PXDNL: variants seen among roughly 807,000 people sequenced by gnomAD.
PXDNL encodes the protein probable oxidoreductase PXDNL.
PXDNL carries 145 observed loss-of-function variants against 150.8 expected under a neutral mutation model. The ratio of observed to expected loss-of-function variants is 0.96; its 90% confidence interval spans 0.84 to 1.10. The LOEUF (loss-of-function observed/expected upper bound fraction) is 1.10, where lower values mean the gene tolerates loss of function less well. Among genes scored for constraint, PXDNL ranks in the 50% least tolerant of loss-of-function variants. PXDNL has a pLI of 0.00. For synonymous variants in PXDNL, 757 were observed against 725.7 expected, an observed-to-expected ratio of 1.04 and a Z score of -0.69; for missense variants, 2,087 against 1,873.9, an observed-to-expected ratio of 1.11 and a Z score of -2.10.
intron 5 of PXDNL, among the ~76,000 whole-genome samples, chr8:51,497,873 T>C (rs1811090148): frequency 6.6e-6 from 1 of 152,304 alleles, no homozygotes; most frequent in South Asian, 2.1e-4. Flanking sequence ...GTCAGTGTGG[T>C]GATTCCTCAG....
At chr8:51,740,493 G>A (rs372760655) in intron 1 of PXDNL, among the ~76,000 whole-genome samples, 346 of 152,294 alleles carry the variant, frequency 2.3e-3, no homozygotes, top group African/African-American at 8.0e-3. Flanking sequence ...ACTAGCATCT[G>A]TTGCTTCTTG....
At chr8:51,771,242 AAAAC>A (rs1311732374) in intron 1 of PXDNL, among the ~76,000 whole-genome samples, 3 of 152,250 alleles carry the variant, frequency 2.0e-5, no homozygotes, top group African/African-American at 7.2e-5. Flanking sequence ...GGAACGTTTC[AAAAC>A]AAACAAAGCC....
At chr8:51,706,801 C>T (rs537944215) in intron 1 of PXDNL, among the ~76,000 whole-genome samples, 5 of 152,312 alleles carry the variant, frequency 3.3e-5, no homozygotes, top group African/African-American at 9.6e-5. Context: ...GTTTCTTACG[C>T]TCCTCTTTGC....
intron 19 of PXDNL, among the ~76,000 whole-genome samples, chr8:51,358,605 A>G (rs914314575): frequency 7.9e-5 from 12 of 152,122 alleles, no homozygotes; most frequent in Admixed American, 3.3e-4. Context: ...CATGTACCTC[A>G]ACCAAAGACA....
intron 1 of PXDNL, among the ~76,000 whole-genome samples, chr8:51,703,498 T>C (rs935061955): frequency 1.3e-5 from 2 of 152,126 alleles, no homozygotes; most frequent in Admixed American, 1.3e-4. Flanking sequence ...TTTGTTTTTG[T>C]TTTTGTTTCT....
chr8:51,450,130 G>A (rs1425232274), intron 10 of PXDNL, among the ~76,000 whole-genome samples: 1 of 152,168 alleles, frequency 6.6e-6, no homozygotes, highest in East Asian at 1.9e-4. Context: ...TCCTGACATT[G>A]CCATGGCATT....
chr8:51,657,307 A>C (rs1481831991), intron 1 of PXDNL, among the ~76,000 whole-genome samples: 1 of 152,258 alleles, frequency 6.6e-6, no homozygotes, highest in African/African-American at 2.4e-5. Context: ...AATAAACCTA[A>C]TATATAGGCA....
At position 51,408,345 on chromosome 8, in the gene PXDNL, C is replaced by T; in HGVS notation, c.3279G>A (p.Lys1093=). Residue 1093 remains lysine (K), a synonymous_variant, in exon 17 of 23, where the codon AAG becomes AAA. Transcript: ENST00000356297. The part of the protein sequence containing the change: ...KALFSPSRII[K]EGGIDPVLRG... ...GGAGAACCGGGTCTATCCCACCTTC[C>T]TTGATTATTCTGGACGGTGAAAAGA... The T allele has an allele frequency of 6.2e-7, 1 of 1,614,016 alleles. No homozygotes were observed. The highest frequency in any genetic ancestry group is 8.5e-7 in the Non-Finnish European group (1 of 1,179,902).
At chr8:51,734,355 A>T (rs1330091673) in intron 1 of PXDNL, among the ~76,000 whole-genome samples, 4 of 152,184 alleles carry the variant, frequency 2.6e-5, no homozygotes, top group Non-Finnish European at 5.9e-5. Context: ...AACACCCTAA[A>T]TTCCTTTTGG....
At position 51,657,202 on chromosome 8, in the gene PXDNL, T is replaced by G. The variant is rs528705761; in HGVS notation, c.165-2442A>C. On this transcript the variant is annotated intron_variant, in intron 1 of 22. Coordinates refer to ENST00000356297, the MANE Select transcript of PXDNL (RefSeq NM_144651.5). ...CTATCTCATGCAATTTACTCACTAA[T>G]GTACATTACATCAAAATTGTAACCA... is the stretch of plus-strand genomic sequence containing the variant. Among the ~76,000 whole-genome samples, 763 of 152,326 alleles carry G rather than the reference T, an allele frequency of 5.0e-3. 6 individuals are homozygous for G. Among genetic ancestry groups the G allele is most frequent in the Middle Eastern group, 0.02 (6 of 294 alleles).
At chr8:51,402,513 C>T (rs1215095122) in intron 17 of PXDNL, among the ~76,000 whole-genome samples, 1 of 151,916 alleles carries the variant, frequency 6.6e-6, no homozygotes, top group Non-Finnish European at 1.5e-5. Context: ...AGAAAGACTC[C>T]GTCTCAAAAT....
At chr8:51,698,581 G>A (rs1816191298) in intron 1 of PXDNL, among the ~76,000 whole-genome samples, 1 of 152,286 alleles carries the variant, frequency 6.6e-6, no homozygotes, top group Non-Finnish European at 1.5e-5. Flanking sequence ...ATCCATGAAA[G>A]TTGGAATCGA....
At position 51,453,684 on chromosome 8, in the gene PXDNL, T is replaced by C; in HGVS notation, c.1084A>G (p.Thr362Ala). Residue 362 changes from threonine (T) to alanine (A), a missense_variant, in exon 10 of 23, where the codon ACT (threonine) becomes GCT (alanine). Coordinates refer to ENST00000356297, the MANE Select transcript of PXDNL (RefSeq NM_144651.5). The stretch of plus-strand genomic sequence containing the variant: ...TCCAATCCATTGTCCCTGGTCCAAG[T>C]GATAAGAGGGTGTGGGTGGCCTGTG... ...MATGHPHPLI[T>A]WTRDNGLELD... 6.2e-7 allele frequency: 1 copy of C among 1,614,012 alleles called. No individual in the cohort carries two copies. Among genetic ancestry groups the C allele is most frequent in the Non-Finnish European group, 8.5e-7 (1 of 1,179,890 alleles).
chr8:51,559,787 C>T (rs1375470990), intron 3 of PXDNL, among the ~76,000 whole-genome samples: 1 of 151,904 alleles, frequency 6.6e-6, no homozygotes, highest in Non-Finnish European at 1.5e-5. Flanking sequence ...GAGAAAGCAC[C>T]TTGCTAGCAT....
Position 51,528,752 on chromosome 8 carries a change from G to A in PXDNL, c.380+28088C>T, listed in dbSNP as rs544221411. On this transcript the variant is annotated intron_variant, in intron 4 of 22. Transcript: ENST00000356297. ...GACTCACTTTACTCTTGCTGGTTTT[G>A]AAGCTGGAAATGGGACTGCAGGCCC... 2.0e-5 allele frequency among the ~76,000 whole-genome samples: 3 copies of A among 152,300 alleles called. No individual in the cohort carries two copies. The East Asian group carries it at 5.8e-4, about 29-fold the overall frequency.
intron 1 of PXDNL, among the ~76,000 whole-genome samples, chr8:51,738,260 T>C (rs1312291069): frequency 6.6e-6 from 1 of 152,208 alleles, no homozygotes; most frequent in African/African-American, 2.4e-5. Context: ...TTTACAGTGA[T>C]TTATGAGACT....
intron 8 of PXDNL, among the ~76,000 whole-genome samples, chr8:51,466,557 A>T (rs574456187): frequency 6.6e-6 from 1 of 152,316 alleles, no homozygotes; most frequent in African/African-American, 2.4e-5. Flanking sequence ...ACCTAATTAA[A>T]CTAAAGAGCT....
chr8:51,510,918 G>A (rs968450224), intron 4 of PXDNL, among the ~76,000 whole-genome samples: 3 of 152,120 alleles, frequency 2.0e-5, no homozygotes, highest in African/African-American at 7.2e-5. Flanking sequence ...GGAAATTGAT[G>A]TTGTCAGTGC....
intron 4 of PXDNL, among the ~76,000 whole-genome samples, chr8:51,500,817 A>G (rs1435771229): frequency 6.6e-6 from 1 of 152,214 alleles, no homozygotes; most frequent in Non-Finnish European, 1.5e-5. Context: ...AAGTAATGGC[A>G]GGCAAGTAAA....
Sources: allele counts gnomAD v4.1 joint callset (sites outside exome capture counted in the v4.1 genomes callset), GRCh38; gene constraint gnomAD v4.1.1; transcripts MANE v1.5; gene names NCBI Gene and HGNC (gene_info 2026-07-23, HGNC 2026-07-21).